Variants in COL5A2 observed in about 807,000 individuals in gnomAD.
COL5A2 encodes collagen type V alpha 2 chain.
Under a neutral mutation model 208.2 loss-of-function variants are expected in COL5A2, and 23 were observed. The observed-to-expected ratio is 0.11, with a 90% CI of 0.08 to 0.16. The LOEUF (loss-of-function observed/expected upper bound fraction) is 0.16. COL5A2 is among the 10% of genes least tolerant of loss of function. The pLI is 1.00. For missense variants in COL5A2, 1,590 were observed against 1,956.4 expected (o/e 0.81, Z 3.53); for synonymous variants, 625 against 628.5 (o/e 0.99, Z 0.08).
the COL5A2 span, among the ~76,000 whole-genome samples, chr2:189,340,796 T>C: frequency 6.6e-6 from 1 of 152,174 alleles, no homozygotes; most frequent in Non-Finnish European, 1.5e-5. Context: ...GTTTAGCAGG[T>C]GTCAGTGCCA....
the COL5A2 span, among the ~76,000 whole-genome samples, chr2:189,345,396 AC>A: frequency 6.6e-6 from 1 of 152,204 alleles, no homozygotes; most frequent in Admixed American, 6.5e-5. Context: ...AGTCTTCAGA[AC>A]ATAAATAGTA....
the COL5A2 span, among the ~76,000 whole-genome samples, chr2:189,236,820 C>T: frequency 8.9e-4 from 135 of 151,664 alleles, no homozygotes; most frequent in Non-Finnish European, 1.7e-3. Flanking sequence ...AAATAAACTC[C>T]CACTCACTCT....
At chr2:189,053,321 A>C in intron 38 of COL5A2, 103 bp downstream of exon 38, 1 of 1,100,292 alleles carries the variant, frequency 9.1e-7, no homozygotes, top group African/African-American at 1.6e-5. Flanking sequence ...AGAAAACTGT[A>C]AATTTTCCAG....
the COL5A2 span, among the ~76,000 whole-genome samples, chr2:189,320,835 G>A: frequency 2.8e-4 from 43 of 152,236 alleles, no homozygotes; most frequent in South Asian, 8.3e-4. Context: ...GATACTCCTC[G>A]AGAAGAGCAA....
the COL5A2 span, among the ~76,000 whole-genome samples, chr2:189,395,651 C>G: frequency 6.6e-6 from 1 of 152,052 alleles, no homozygotes; most frequent in Middle Eastern, 3.4e-3. Flanking sequence ...CACCTGTAAT[C>G]CTACTATTTT....
the COL5A2 span, among the ~76,000 whole-genome samples, chr2:189,404,754 G>C: frequency 6.6e-6 from 1 of 152,128 alleles, no homozygotes; most frequent in East Asian, 1.9e-4. Flanking sequence ...AAATTATACA[G>C]GACTCATACA....
rs568032705 is a variant in COL5A2, at chr2:189,142,226, G to A, written c.98-31777C>T. Among the ~76,000 whole-genome samples, 5 of 151,912 alleles carry A rather than the reference G, an allele frequency of 3.3e-5. No homozygotes were observed. The South Asian group carries it at 8.3e-4, about 25-fold the overall frequency. ...TTAGTGCAAAACAAGATTACTCTTC[G>A]AACTAGGTATATTTAAACATCTATA... is the stretch of plus-strand genomic sequence containing the variant. On this transcript the variant is annotated intron_variant, in intron 1 of 53. Coordinates refer to ENST00000374866, the MANE Select transcript of COL5A2 (RefSeq NM_000393.5).
intron 11 of COL5A2, 145 bp from the exon 12 acceptor site, chr2:189,084,182 G>A (rs906759170): frequency 3.9e-5 from 25 of 635,552 alleles, no homozygotes; most frequent in Non-Finnish European, 5.9e-5. Flanking sequence ...AAAAAATAAA[G>A]TAAAAATAGG....
At chr2:189,421,041 ATTAAT>A in the COL5A2 span, among the ~76,000 whole-genome samples, 1 of 152,242 alleles carries the variant, frequency 6.6e-6, no homozygotes, top group African/African-American at 2.4e-5. Context: ...ATACTAATAA[ATTAAT>A]TTATTTTAAA....
the COL5A2 span, among the ~76,000 whole-genome samples, chr2:189,342,168 C>A: frequency 6.7e-6 from 1 of 148,222 alleles, no homozygotes; most frequent in Non-Finnish European, 1.5e-5. Flanking sequence ...GTAAGCAAAA[C>A]CAATTCAGTT....
the COL5A2 span, among the ~76,000 whole-genome samples, chr2:189,347,877 T>G: frequency 6.6e-6 from 1 of 152,258 alleles, no homozygotes; most frequent in African/African-American, 2.4e-5. Context: ...AGACAGAAAC[T>G]TCACATTGTC....
At chr2:189,153,672 A>C (rs959534229) in intron 1 of COL5A2, among the ~76,000 whole-genome samples, 1 of 152,012 alleles carries the variant, frequency 6.6e-6, no homozygotes, top group Non-Finnish European at 1.5e-5. Flanking sequence ...CTGGGGCTCT[A>C]AAGTTTGTTC....
At chr2:189,307,977 T>C in the COL5A2 span, among the ~76,000 whole-genome samples, 3 of 152,292 alleles carry the variant, frequency 2.0e-5, no homozygotes, top group East Asian at 5.8e-4. Context: ...GTTCTTTTAC[T>C]TTACTTTCTT....
chr2:189,270,486 CA>C, the COL5A2 span, among the ~76,000 whole-genome samples: 2 of 152,114 alleles, frequency 1.3e-5, no homozygotes, highest in Non-Finnish European at 2.9e-5. Flanking sequence ...GTTATTTACC[CA>C]GTAGTCATTC....
At chr2:189,254,496 A>T in the COL5A2 span, among the ~76,000 whole-genome samples, 1 of 152,250 alleles carries the variant, frequency 6.6e-6, no homozygotes, top group South Asian at 2.1e-4. Flanking sequence ...CCAGCCAAAC[A>T]CATGTGCCAT....
chr2:189,306,956 C>G, the COL5A2 span, among the ~76,000 whole-genome samples: 1 of 152,134 alleles, frequency 6.6e-6, no homozygotes, highest in African/African-American at 2.4e-5. Flanking sequence ...CAACATTATC[C>G]ACCCATTTCC....
chr2:189,054,363 A>G (rs1685856482), intron 35 of COL5A2, 151 bp from the exon 36 acceptor site: 1 of 638,410 alleles, frequency 1.6e-6, no homozygotes, highest in East Asian at 2.8e-5. Flanking sequence ...TATAATCTAT[A>G]TATTTTCAAG....
chr2:189,364,516 G>A, the COL5A2 span, among the ~76,000 whole-genome samples: 28 of 152,132 alleles, frequency 1.8e-4, no homozygotes, highest in Admixed American at 1.4e-3. Flanking sequence ...GTGAAACCCC[G>A]TCTCTACTAA....
chr2:189,297,662 A>G, the COL5A2 span, among the ~76,000 whole-genome samples: 1 of 152,184 alleles, frequency 6.6e-6, no homozygotes, highest in Admixed American at 6.6e-5. Flanking sequence ...CACAACCACA[A>G]AAATGTCCTT....
Sources: gnomAD v4.1 joint callset for allele counts (sites outside exome capture counted in the v4.1 genomes callset) on GRCh38, gnomAD v4.1.1 for gene constraint, MANE v1.5 for transcripts, NCBI Gene and HGNC (gene_info 2026-07-23, HGNC 2026-07-21) for gene names.